SEC23B: variants seen among roughly 807,000 people sequenced by gnomAD.
The protein encoded by SEC23B is SEC23 homolog B, COPII component.
In SEC23B, 77 loss-of-function variants were observed where a neutral mutation model predicts 104.3. The observed-to-expected ratio is 0.74, with a 90% CI of 0.61 to 0.89. SEC23B has a LOEUF of 0.89. Ranked by LOEUF, SEC23B falls within the 40% of genes least tolerant of loss-of-function variation. The pLI, the probability that SEC23B is intolerant of heterozygous loss-of-function variation, is 0.00. For synonymous variants in SEC23B, 338 were observed against 332.5 expected (o/e 1.02, Z -0.18); for missense variants, 885 against 949.4 (o/e 0.93, Z 0.89).
rs763305663 is a variant in SEC23B at position 18,530,705 on chromosome 20, T to A, written c.1135T>A (p.Phe379Ile). Residue 379 changes from phenylalanine to isoleucine, a missense_variant, in exon 10 of 20, where the codon TTC (phenylalanine) becomes ATC (isoleucine). Transcript: ENST00000650089. ...AGGCTACATGGTAATGGGAGATTCT[T>A]TCAACACTTCTCTCTTCAAGCAGAC... ...TGGYMVMGDS[F>I]NTSLFKQTFQ... The A allele has an allele frequency of 6.2e-7, 1 of 1,612,328 alleles. No homozygotes were observed. Among genetic ancestry groups the A allele is most frequent in the East Asian group, 2.2e-5 (1 of 44,870 alleles).
At chr20:18,545,072 C>T (rs948423122) in intron 14 of SEC23B, among the ~76,000 whole-genome samples, 6 of 151,976 alleles carry the variant, frequency 3.9e-5, no homozygotes, top group African/African-American at 1.2e-4. Context: ...GTGTGTCTCA[C>T]GAAAACTCCC....
chr20:18,512,144 G>A (rs1173116089), intron 2 of SEC23B, 81 bp from the exon 3 acceptor site: 1 of 850,870 alleles, frequency 1.2e-6, no homozygotes, highest in Non-Finnish European at 1.9e-6. Context: ...ATTTACAAAT[G>A]AACGCTTTCT....
intron 13 of SEC23B, 109 bp downstream of exon 13, chr20:18,542,511 C>T: frequency 9.2e-7 from 1 of 1,091,516 alleles, no homozygotes; most frequent in African/African-American, 1.5e-5. Context: ...GAATGGTTCT[C>T]ACCAGACCTC....
intron 4 of SEC23B, among the ~76,000 whole-genome samples, chr20:18,518,582 GTTTTTTT>G (rs57231166): frequency 1.1e-5 from 1 of 92,658 alleles, no homozygotes. Context: ...CTGGAAGGAG[GTTTTTTT>G]TTTTTTTTTT....
rs2060383615 is a variant in SEC23B, at chr20:18,551,135, T to A, written c.1952T>A (p.Leu651Gln). 6.2e-7 allele frequency: 1 copy of A among 1,604,984 alleles called. No homozygotes were observed. Among genetic ancestry groups the A allele is most frequent in the African/African-American group, 1.3e-5 (1 of 74,970 alleles). The change falls in exon 17 of 20, where the codon CTG (leucine) becomes CAG (glutamine). Residue 651 changes from leucine (L) to glutamine (Q), a missense_variant. Coordinates refer to ENST00000650089, the MANE Select transcript of SEC23B (RefSeq NM_006363.6). The stretch of plus-strand genomic sequence containing the variant: ...AGCATTCTAGCTGACAGAATTTTGC[T>A]GATGGATACTTTCTTTCAAATTGTC... ...SSSILADRIL[L>Q]MDTFFQIVIY...
chr20:18,551,159 T>TC lies in SEC23B; in HGVS notation c.1977dup (p.Ile660HisfsTer5). 2 of 1,583,930 alleles carry TC rather than the reference T, an allele frequency of 1.3e-6. No individual in the cohort carries two copies. On this transcript the variant is annotated frameshift_variant, in exon 17 of 20. Transcript: ENST00000650089. LOFTEE classifies it high-confidence loss of function. ...CTGATGGATACTTTCTTTCAAATTG[T>TC]CATTTATCTTGGTGAGGTAAGATGA...
intron 9 of SEC23B, among the ~76,000 whole-genome samples, chr20:18,527,991 G>T (rs1315612660): frequency 6.6e-6 from 1 of 152,198 alleles, no homozygotes; most frequent in Non-Finnish European, 1.5e-5. Flanking sequence ...CTGGCTAAGT[G>T]GCCATACTTT....
At position 18,541,590 on chromosome 20, in the gene SEC23B, A is replaced by T. The variant is rs369401728; in HGVS notation, c.1405-706A>T. ...CTCAGGAAATAGGGGAGGCCCAAGG[A>T]GGAGGAGAGAGATGAGGGAAAGGTC... On this transcript the variant is annotated intron_variant, in intron 12 of 19. Coordinates refer to ENST00000650089, the MANE Select transcript of SEC23B (RefSeq NM_006363.6). Among the ~76,000 whole-genome samples, 14 of 152,332 alleles carry T rather than the reference A, an allele frequency of 9.2e-5. No homozygotes were observed. In the South Asian group the frequency reaches 2.3e-3, roughly 25 times the overall value.
chr20:18,553,222 T>C (rs78524578), intron 17 of SEC23B, among the ~76,000 whole-genome samples: 2,250 of 152,354 alleles, frequency 0.015, 26 homozygotes, highest in Middle Eastern at 0.041. Context: ...CGAGTGTTCT[T>C]ATGAACTTCT....
chr20:18,553,377 T>C (rs2060406662), intron 17 of SEC23B, among the ~76,000 whole-genome samples: 1 of 152,264 alleles, frequency 6.6e-6, no homozygotes, highest in African/African-American at 2.4e-5. Context: ...CCTGGAGCCA[T>C]ATTAATGGCT....
chr20:18,510,729 A>T, intron 1 of SEC23B, 93 bp from the exon 2 acceptor site: 1 of 1,002,110 alleles, frequency 1.0e-6, no homozygotes, highest in Non-Finnish European at 1.6e-6. Flanking sequence ...TGGGAAAAAA[A>T]GAGAAACACT....
rs1407046247 is a variant in SEC23B, at chr20:18,560,740, A to G, written c.2304A>G (p.Ter768=). Residue 768 remains the stop codon, a stop_retained_variant, in exon 20 of 20, where the codon TAA becomes TAG. Coordinates refer to ENST00000650089, the MANE Select transcript of SEC23B (RefSeq NM_006363.6). The part of the protein sequence containing the change: ...LKKLAVSSAC[*] Reference sequence around the variant, plus strand: ...AGCTGGCTGTCTCCAGTGCCTGTTAAGCTGAGGATACAACCAGGAAATGCA... The same window carrying G: ...AGCTGGCTGTCTCCAGTGCCTGTTAGGCTGAGGATACAACCAGGAAATGCA... 6.2e-7 allele frequency: 1 copy of G among 1,610,494 alleles called. No homozygotes were observed. Among genetic ancestry groups the G allele is most frequent in the African/African-American group, 1.3e-5 (1 of 74,706 alleles).
At position 18,525,027 on chromosome 20, in the gene SEC23B, G is replaced by T. The variant is rs1350953676; in HGVS notation, c.689+7G>T. 1 of 1,613,434 alleles carries T rather than the reference G, an allele frequency of 6.2e-7. No individual in the cohort carries two copies. The highest frequency in any genetic ancestry group is 1.6e-4 in the Middle Eastern group (1 of 6,062). On this transcript the variant is annotated splice_region_variant and intron_variant, in intron 6 of 19. Transcript: ENST00000650089. ...ACCCTTTTGCTTCAAGCAGGTGAGA[G>T]CCCAACATGGAGTGTTACACGTATT...
chr20:18,554,164 AG>A, intron 17 of SEC23B, 70 bp from the exon 18 acceptor site: 1 of 1,552,822 alleles, frequency 6.4e-7, no homozygotes, highest in Non-Finnish European at 8.9e-7. Context: ...TGGCGATGGT[AG>A]AATGTCAGTG....
chr20:18,509,987 A>G (rs1373318919), intron 1 of SEC23B: 1 of 152,252 alleles, frequency 6.6e-6, no homozygotes, highest in Non-Finnish European at 1.5e-5. Flanking sequence ...CCAAGTAGAA[A>G]TAATTTAGCT....
Position 18,527,112 on chromosome 20 carries a change from G to A in SEC23B, c.994-384G>A, listed in dbSNP as rs150987184. Among the ~76,000 whole-genome samples, 946 of 152,372 alleles carry A rather than the reference G, an allele frequency of 6.2e-3. 12 individuals carry two copies. The highest frequency in any genetic ancestry group is 0.022 in the African/African-American group (906 of 41,584). The stretch of plus-strand genomic sequence containing the variant: ...TGTGCCTGTAATTTCAGCTACTCGG[G>A]AGGCTGAGGCACGAGAATCCGTTGA... On this transcript the variant is annotated intron_variant, in intron 8 of 19. Transcript: ENST00000650089.
chr20:18,507,698 C>T (rs924650630), upstream of SEC23B: 4 of 152,522 alleles, frequency 2.6e-5, no homozygotes, highest in African/African-American at 9.6e-5. Context: ...TTTTCTGAAA[C>T]AGAAACGTTT....
At chr20:18,530,066 G>A (rs867366347) in intron 9 of SEC23B, among the ~76,000 whole-genome samples, 5 of 152,262 alleles carry the variant, frequency 3.3e-5, no homozygotes, top group Admixed American at 1.3e-4. Context: ...TTTTGAGGCA[G>A]TAAATTAACC....
intron 10 of SEC23B, among the ~76,000 whole-genome samples, chr20:18,532,457 A>G (rs2060195711): frequency 6.6e-6 from 1 of 152,208 alleles, no homozygotes; most frequent in Non-Finnish European, 1.5e-5. Flanking sequence ...TCATGTTTCA[A>G]GTGTTTCTAA....
Sources: gnomAD v4.1 joint callset for allele counts (sites outside exome capture counted in the v4.1 genomes callset) on GRCh38, gnomAD v4.1.1 for gene constraint, MANE v1.5 for transcripts, NCBI Gene and HGNC (gene_info 2026-07-23, HGNC 2026-07-21) for gene names.